Variants in DPP10 observed in about 807,000 individuals in gnomAD.
DPP10 encodes dipeptidyl peptidase like 10.
A neutral mutation model predicts 120.9 loss-of-function variants in DPP10; 33 were observed. The ratio of observed to expected loss-of-function variants is 0.27; its 90% confidence interval spans 0.21 to 0.37. DPP10 has a LOEUF of 0.37. Among genes scored for constraint, DPP10 ranks in the 10% least tolerant of loss-of-function variants. DPP10 has a pLI of 1.00. For synonymous variants in DPP10, 337 were observed against 326.1 expected, an observed-to-expected ratio of 1.03 and a Z score of -0.36; for missense variants, 816 against 942.8, an observed-to-expected ratio of 0.87 and a Z score of 1.76.
At chr2:114,879,943 A>G (rs1691474464) in intron 1 of DPP10, among the ~76,000 whole-genome samples, 1 of 152,156 alleles carries the variant, frequency 6.6e-6, no homozygotes, top group South Asian at 2.1e-4. Flanking sequence ...AAAGACTAAG[A>G]TGATTGTACA....
intron 1 of DPP10, among the ~76,000 whole-genome samples, chr2:114,571,753 C>G (rs1689665763): frequency 6.6e-6 from 1 of 151,332 alleles, no homozygotes; most frequent in Non-Finnish European, 1.5e-5. Context: ...CTCTGTCACT[C>G]AAGGTATTCA....
chr2:114,719,050 T>C (rs926507695), intron 1 of DPP10, among the ~76,000 whole-genome samples: 1 of 152,222 alleles, frequency 6.6e-6, no homozygotes, highest in African/African-American at 2.4e-5. Context: ...TAGTCTGAGA[T>C]TGGTTGATGT....
At chr2:115,731,945 C>T (rs1190723498) in intron 8 of DPP10, among the ~76,000 whole-genome samples, 1 of 152,164 alleles carries the variant, frequency 6.6e-6, no homozygotes, top group African/African-American at 2.4e-5. Context: ...CCTACATGCA[C>T]CTTACCCTCC....
rs772177473 is a variant in DPP10 at position 115,836,143 on chromosome 2, T to TATATATATATATATATATATA, written c.1951-14_1951-13insATATATATATATATATATATA. The stretch of plus-strand genomic sequence containing the variant: ...AGATATATATATATATATATATATA[T>TATATATATATATATATATATA]TTTTCCCCCCCAGGGTTATGGTGGC... On this transcript the variant is annotated splice_polypyrimidine_tract_variant and intron_variant, in intron 21 of 25. Transcript: ENST00000410059. The TATATATATATATATATATATA allele has an allele frequency of 7.1e-7, 1 of 1,406,724 alleles. No individual in the cohort carries two copies. The highest frequency in any genetic ancestry group is 1.8e-5 in the African/African-American group (1 of 56,322). 87.1% of individuals were successfully genotyped at this position (1,406,724 alleles called of 1,614,324 possible).
chr2:115,768,025 T>G (rs955012376), intron 12 of DPP10, among the ~76,000 whole-genome samples: 2 of 152,202 alleles, frequency 1.3e-5, no homozygotes, highest in Non-Finnish European at 2.9e-5. Context: ...ATTTAAAAAG[T>G]GTCTTTAGTC....
intron 3 of DPP10, among the ~76,000 whole-genome samples, chr2:115,429,734 T>TGC (rs2070798523): frequency 1.1e-5 from 1 of 89,538 alleles, no homozygotes; most frequent in South Asian, 3.4e-4. Context: ...AAACATAAAC[T>TGC]TCTCAGAAGA....
chr2:114,840,415 C>G (rs1241627286), intron 1 of DPP10, among the ~76,000 whole-genome samples: 1 of 152,094 alleles, frequency 6.6e-6, no homozygotes, highest in African/African-American at 2.4e-5. Context: ...AGTCACAGAA[C>G]TGGGAATAAA....
intron 1 of DPP10, among the ~76,000 whole-genome samples, chr2:114,914,324 C>T (rs555709181): frequency 5.9e-5 from 9 of 152,140 alleles, no homozygotes; most frequent in Admixed American, 3.3e-4. Context: ...GGGCAGATCA[C>T]GTACAAAGGG....
At chr2:114,578,245 A>G (rs1356377256) in intron 1 of DPP10, among the ~76,000 whole-genome samples, 1 of 152,186 alleles carries the variant, frequency 6.6e-6, no homozygotes. Context: ...GTAATGCACA[A>G]GTATATTTTA....
chr2:114,810,377 T>C (rs1445647534), intron 1 of DPP10, among the ~76,000 whole-genome samples: 2 of 152,196 alleles, frequency 1.3e-5, no homozygotes, highest in Non-Finnish European at 2.9e-5. Flanking sequence ...GAAGTTTAAA[T>C]GTAAAACAAA....
At chr2:115,790,209 AGCTGGGACTACAGGC>A (rs1437588124) in intron 17 of DPP10, among the ~76,000 whole-genome samples, 2 of 151,446 alleles carry the variant, frequency 1.3e-5, no homozygotes, top group Non-Finnish European at 2.9e-5. Flanking sequence ...CCTCCCGAGT[AGCTGGGACTACAGGC>A]GCCCGCCACC....
chr2:114,775,525 T>C (rs1420792346), intron 1 of DPP10, among the ~76,000 whole-genome samples: 1 of 152,198 alleles, frequency 6.6e-6, no homozygotes, highest in African/African-American at 2.4e-5. Context: ...TCCTTTCTTC[T>C]TTGAGCTTCC....
At chr2:114,544,223 G>T (rs963175914) in intron 1 of DPP10, among the ~76,000 whole-genome samples, 5 of 152,118 alleles carry the variant, frequency 3.3e-5, no homozygotes, top group African/African-American at 1.2e-4. Context: ...TGGTCAGGAT[G>T]GGTTCCATTG....
chr2:114,580,558 TAGAG>T (rs1041513557), intron 1 of DPP10, among the ~76,000 whole-genome samples: 2 of 152,210 alleles, frequency 1.3e-5, no homozygotes, highest in Non-Finnish European at 1.5e-5. Flanking sequence ...AAGAAATTCT[TAGAG>T]AGGAAATCTC....
intron 1 of DPP10, among the ~76,000 whole-genome samples, chr2:115,285,219 T>C (rs1304326740): frequency 1.3e-5 from 2 of 152,194 alleles, no homozygotes; most frequent in Non-Finnish European, 1.5e-5. Flanking sequence ...GAACTGCTAC[T>C]CCCTCTCTTT....
intron 1 of DPP10, among the ~76,000 whole-genome samples, chr2:114,481,653 A>G (rs745502914): frequency 6.6e-6 from 1 of 152,156 alleles, no homozygotes; most frequent in Admixed American, 6.6e-5. Context: ...AACAACTTAG[A>G]TGAGTCTTCA....
Position 114,671,293 on chromosome 2 carries a change from A to G in DPP10, c.60+228455A>G, listed in dbSNP as rs370341889. 3.3e-5 allele frequency among the ~76,000 whole-genome samples: 5 copies of G among 152,156 alleles called. No individual in the cohort carries two copies. In the East Asian group the frequency reaches 7.7e-4, roughly 23 times the overall value. ...CGATGTCTAAATTGCCTAAAGATGC[A>G]TTCCTCACAATGTAACACTGTTGTT... On this transcript the variant is annotated intron_variant, in intron 1 of 25. Coordinates refer to ENST00000410059, the MANE Select transcript of DPP10 (RefSeq NM_020868.6).
intron 5 of DPP10, among the ~76,000 whole-genome samples, chr2:115,643,817 G>A (rs2086989492): frequency 6.6e-6 from 1 of 152,118 alleles, no homozygotes; most frequent in Non-Finnish European, 1.5e-5. Flanking sequence ...TTGCTGATGA[G>A]CTTAGTCAGT....
intron 1 of DPP10, among the ~76,000 whole-genome samples, chr2:114,457,488 C>T (rs1678645730): frequency 6.6e-6 from 1 of 152,130 alleles, no homozygotes; most frequent in South Asian, 2.1e-4. Context: ...ATTCTGGTCT[C>T]ATGGCTTCTG....
Sources: gnomAD v4.1 joint callset for allele counts (sites outside exome capture counted in the v4.1 genomes callset) on GRCh38, gnomAD v4.1.1 for gene constraint, MANE v1.5 for transcripts, NCBI Gene and HGNC (gene_info 2026-07-23, HGNC 2026-07-21) for gene names.